CDRT4: variants seen among roughly 807,000 people sequenced by gnomAD.
CDRT4 encodes the protein CMT1A duplicated region transcript 4 protein.
For synonymous variants in CDRT4, 64 were observed against 69.6 expected (o/e 0.92, Z 0.40); for missense variants, 167 against 193.1 (o/e 0.87, Z 0.80).
chr17:15,438,232 A>G (rs769052193), intron 3 of CDRT4, 32 bp from the exon 4 acceptor site: 2 of 1,597,712 alleles, frequency 1.3e-6, no homozygotes, highest in Non-Finnish European at 1.7e-6. Flanking sequence ...GGCCATTTAG[A>G]GGCAGTCACA....
chr17:15,465,052 A>T (rs1191675381), intron 1 of CDRT4, among the ~76,000 whole-genome samples: 1 of 149,808 alleles, frequency 6.7e-6, no homozygotes, highest in Non-Finnish European at 1.5e-5. Context: ...CATAACACAG[A>T]CACACACCAA....
chr17:15,452,061 C>T (rs958854625), intron 2 of CDRT4, among the ~76,000 whole-genome samples: 1 of 152,126 alleles, frequency 6.6e-6, no homozygotes, highest in Non-Finnish European at 1.5e-5. Context: ...GTATGGGACA[C>T]AAATGAAAAA....
intron 2 of CDRT4, among the ~76,000 whole-genome samples, chr17:15,451,666 G>C (rs1388024088): frequency 1.3e-5 from 2 of 152,086 alleles, no homozygotes; most frequent in Admixed American, 6.6e-5. Flanking sequence ...CCCAGCTACT[G>C]CCTCTGCCTG....
At chr17:15,459,023 C>G (rs1355459040) in intron 1 of CDRT4, among the ~76,000 whole-genome samples, 1 of 152,158 alleles carries the variant, frequency 6.6e-6, no homozygotes, top group Non-Finnish European at 1.5e-5. Flanking sequence ...TAAAGAAAAT[C>G]TGCAATTTTC....
chr17:15,446,134 G>T (rs1205353153), intron 2 of CDRT4, among the ~76,000 whole-genome samples: 2 of 152,268 alleles, frequency 1.3e-5, no homozygotes, highest in African/African-American at 4.8e-5. Flanking sequence ...TTTCCATGCT[G>T]ATCTCCACCC....
rs1484953999 is a variant in CDRT4, at chr17:15,464,946, C to A, written c.-130+2514G>T. 6.6e-6 allele frequency among the ~76,000 whole-genome samples: 1 copy of A among 151,794 alleles called. No homozygotes were observed. The highest frequency in any genetic ancestry group is 1.9e-4 in the East Asian group (1 of 5,168). ...CAAGTGGGTGCAACACACACACACA[C>A]CAACACACAGACACACACACCAACA... is the stretch of plus-strand genomic sequence containing the variant. On this transcript the variant is annotated intron_variant, in intron 1 of 3. Transcript: ENST00000619038. This position sits in a 1 kb window ranked among gnomAD's most constrained non-coding sequence, Gnocchi z 4.5.
intron 2 of CDRT4, among the ~76,000 whole-genome samples, chr17:15,452,209 T>C (rs1979293170): frequency 6.6e-6 from 1 of 152,254 alleles, no homozygotes; most frequent in Non-Finnish European, 1.5e-5. Flanking sequence ...TGCTCTTTAC[T>C]GCTTTTAAGT....
At chr17:15,463,935 A>T (rs1332988949) in intron 1 of CDRT4, among the ~76,000 whole-genome samples, 1 of 152,182 alleles carries the variant, frequency 6.6e-6, no homozygotes, top group East Asian at 1.9e-4. Context: ...GGGTGAAATC[A>T]GCAAGGGTCC....
chr17:15,443,928 A>T (rs771938232), intron 2 of CDRT4: 181 of 660,082 alleles, frequency 2.7e-4, no homozygotes, highest in Non-Finnish European at 3.5e-4. Context: ...CTTCCCCATC[A>T]ATGTTGTTAT....
chr17:15,446,552 T>C (rs2323734), intron 2 of CDRT4, among the ~76,000 whole-genome samples: 31,114 of 151,838 alleles, frequency 0.2, 5,919 homozygotes, highest in East Asian at 0.48. Context: ...CTCTAGCGCC[T>C]CTCCCCAGAA....
At chr17:15,466,125 C>T (rs1440589652) in intron 1 of CDRT4, among the ~76,000 whole-genome samples, 2 of 152,172 alleles carry the variant, frequency 1.3e-5, no homozygotes, top group African/African-American at 4.8e-5. Context: ...GGACCCAGGT[C>T]AGCTCCCTGA....
chr17:15,455,084 C>T (rs539158308), intron 1 of CDRT4, among the ~76,000 whole-genome samples: 1 of 152,074 alleles, frequency 6.6e-6, no homozygotes, highest in African/African-American at 2.4e-5. Context: ...CTAGAGAGAA[C>T]AAAAGTGTCA....
At chr17:15,459,513 C>A (rs1215709557) in intron 1 of CDRT4, among the ~76,000 whole-genome samples, 1 of 146,350 alleles carries the variant, frequency 6.8e-6, no homozygotes, top group Non-Finnish European at 1.5e-5. Flanking sequence ...GGCGCGATCG[C>A]AGCTTCCTGC....
intron 1 of CDRT4, among the ~76,000 whole-genome samples, chr17:15,459,447 T>TGC (rs1979644632): frequency 1.4e-5 from 2 of 142,106 alleles, no homozygotes; most frequent in Admixed American, 1.4e-4. Flanking sequence ...TTCTTTTTTT[T>TGC]TTTTTTTTTT....
In CDRT4 at chr17:15,440,164, G is replaced by A. The variant is rs140064050; in HGVS notation, c.31+44C>T. Reference sequence around the variant, plus strand: ...CACTGCGAATCCTCCAACCCTAGACGGCCCCAGTGCAGGAGCTTCCACTGG... The same window carrying A: ...CACTGCGAATCCTCCAACCCTAGACAGCCCCAGTGCAGGAGCTTCCACTGG... On this transcript the variant is annotated intron_variant, in intron 3 of 3. Coordinates refer to ENST00000619038, the MANE Select transcript of CDRT4 (RefSeq NM_001204477.2). 261 of 1,603,658 alleles carry A rather than the reference G, an allele frequency of 1.6e-4. 1 individual carries two copies. In the African/African-American group the frequency reaches 2.9e-3, roughly 18 times the overall value.
At chr17:15,448,010 A>G (rs556531096) in intron 2 of CDRT4, among the ~76,000 whole-genome samples, 106 of 152,294 alleles carry the variant, frequency 7.0e-4, no homozygotes, top group African/African-American at 2.5e-3. Context: ...CAGTGTGACT[A>G]TTAAAATGTG....
At chr17:15,442,199 T>C (rs769362609) in intron 2 of CDRT4, among the ~76,000 whole-genome samples, 1 of 152,082 alleles carries the variant, frequency 6.6e-6, no homozygotes, top group Non-Finnish European at 1.5e-5. Flanking sequence ...TCACCTGAGG[T>C]TGGGAGTTCG....
chr17:15,446,801 G>A (rs998636392), intron 2 of CDRT4, among the ~76,000 whole-genome samples: 2 of 152,006 alleles, frequency 1.3e-5, no homozygotes, highest in Non-Finnish European at 2.9e-5. Flanking sequence ...GGGAAGGAGG[G>A]GATATGTTGC....
At chr17:15,443,792 C>T (rs1369510561) in intron 2 of CDRT4, 9 of 529,754 alleles carry the variant, frequency 1.7e-5, no homozygotes, top group East Asian at 4.8e-5. Context: ...AAAAAGGCTC[C>T]GGGTTGACAA....
Sources: gnomAD v4.1 joint callset for allele counts (sites outside exome capture counted in the v4.1 genomes callset) on GRCh38, gnomAD v4.1.1 for gene constraint, Gnocchi (gnomAD v3.1) non-coding constraint, MANE v1.5 for transcripts, NCBI Gene and HGNC (gene_info 2026-07-23, HGNC 2026-07-21) for gene names.